Variants in DNM3 observed in about 807,000 individuals in gnomAD.
The protein encoded by DNM3 is dynamin 3, also known as dynamin-3.
DNM3 carries 47 observed loss-of-function variants against 101.6 expected under a neutral mutation model. The observed-to-expected ratio is 0.46, with a 90% CI of 0.37 to 0.59. The LOEUF (loss-of-function observed/expected upper bound fraction) is 0.59. DNM3 is among the 20% of genes least tolerant of loss of function. The pLI is 0.00. For missense variants in DNM3, 849 were observed against 1,085.7 expected, an observed-to-expected ratio of 0.78 and a Z score of 3.06; for synonymous variants, 385 against 387.9, an observed-to-expected ratio of 0.99 and a Z score of 0.09.
At chr1:172,338,931 C>T (rs1449235914) in intron 17 of DNM3, 1 of 411,132 alleles carries the variant, frequency 2.4e-6, no homozygotes, top group Non-Finnish European at 4.8e-6. Flanking sequence ...TTTTAGTTTT[C>T]TTTCTTTTAA....
chr1:171,960,481 A>G (rs1488328703), intron 2 of DNM3, among the ~76,000 whole-genome samples: 2 of 152,176 alleles, frequency 1.3e-5, no homozygotes, highest in Admixed American at 1.3e-4. Context: ...TTTGCAGAAC[A>G]AGAGAAAGTG....
chr1:172,027,443 T>C (rs556106525), intron 4 of DNM3, among the ~76,000 whole-genome samples: 2 of 152,114 alleles, frequency 1.3e-5, no homozygotes, highest in Admixed American at 6.5e-5. Flanking sequence ...TAGCTGGGCG[T>C]GGTGGCATGC....
chr1:172,164,501 C>T (rs1188497993), intron 14 of DNM3, among the ~76,000 whole-genome samples: 1 of 151,868 alleles, frequency 6.6e-6, no homozygotes, highest in East Asian at 1.9e-4. Context: ...CTCTGGCCAG[C>T]CAGGCCAGAC....
At chr1:171,896,186 G>T (rs1028172367) in intron 1 of DNM3, among the ~76,000 whole-genome samples, 2 of 152,184 alleles carry the variant, frequency 1.3e-5, no homozygotes, top group African/African-American at 4.8e-5. Flanking sequence ...GAAGTCATTG[G>T]TAGCTTGATG....
At chr1:171,926,719 A>G (rs1002806488) in intron 2 of DNM3, among the ~76,000 whole-genome samples, 2 of 152,166 alleles carry the variant, frequency 1.3e-5, no homozygotes, top group Admixed American at 6.5e-5. Context: ...TTCAATATGA[A>G]TTTCAGAATG....
intron 14 of DNM3, among the ~76,000 whole-genome samples, chr1:172,203,234 A>T (rs1168063263): frequency 6.6e-6 from 1 of 152,152 alleles, no homozygotes; most frequent in Non-Finnish European, 1.5e-5. Flanking sequence ...TGTTCCCCAA[A>T]GGCTGAGCCA....
At chr1:172,241,382 CT>C (rs1553205518) in intron 14 of DNM3, among the ~76,000 whole-genome samples, 1 of 151,806 alleles carries the variant, frequency 6.6e-6, no homozygotes, top group Non-Finnish European at 1.5e-5. Flanking sequence ...AGTTTTGACT[CT>C]TATTATGTGG....
intron 14 of DNM3, among the ~76,000 whole-genome samples, chr1:172,174,934 A>G (rs1354573506): frequency 6.6e-6 from 1 of 151,758 alleles, no homozygotes; most frequent in Non-Finnish European, 1.5e-5. Context: ...TCAAGAACAG[A>G]AAGTCGAATA....
At chr1:172,097,970 G>T (rs767794992) in intron 13 of DNM3, among the ~76,000 whole-genome samples, 2 of 152,148 alleles carry the variant, frequency 1.3e-5, no homozygotes, top group Non-Finnish European at 2.9e-5. Flanking sequence ...CAGAGGTCAC[G>T]TGCTTCACAA....
At position 172,192,969 on chromosome 1, in the gene DNM3, T is replaced by C. The variant is rs1160537473; in HGVS notation, c.1660-60604T>C. Among the ~76,000 whole-genome samples the C allele has an allele frequency of 4.0e-5, 6 of 151,530 alleles. No homozygotes were observed. In the East Asian group the frequency reaches 1.2e-3, roughly 30 times the overall value. ...ATCGCCACACTGACTTCCACAATGG[T>C]TGAACTAGTTTACAGTCCCACCAAC... On this transcript the variant is annotated intron_variant, in intron 14 of 20. Coordinates refer to ENST00000627582, the MANE Select transcript of DNM3 (RefSeq NM_015569.5).
At chr1:172,297,720 G>A (rs946452804) in intron 15 of DNM3, among the ~76,000 whole-genome samples, 3 of 151,874 alleles carry the variant, frequency 2.0e-5, no homozygotes, top group Admixed American at 6.6e-5. Context: ...TGTCATACAA[G>A]GTTTATCTGG....
At chr1:171,988,120 G>A (rs991646051) in intron 3 of DNM3, among the ~76,000 whole-genome samples, 2 of 152,086 alleles carry the variant, frequency 1.3e-5, no homozygotes, top group African/African-American at 2.4e-5. Context: ...AGAGGTACAT[G>A]TTACTATGGT....
intron 12 of DNM3, among the ~76,000 whole-genome samples, chr1:172,085,433 T>C (rs2053461877): frequency 1.3e-5 from 2 of 152,166 alleles, no homozygotes; most frequent in Admixed American, 6.6e-5. Flanking sequence ...CAAACTCCTC[T>C]GCTCTTCTTC....
intron 4 of DNM3, among the ~76,000 whole-genome samples, chr1:171,992,148 G>A (rs1165004600): frequency 6.6e-6 from 1 of 152,092 alleles, no homozygotes; most frequent in African/African-American, 2.4e-5. Flanking sequence ...AATAAATCTT[G>A]TAAAGTGATT....
intron 13 of DNM3, among the ~76,000 whole-genome samples, chr1:172,111,307 T>C (rs1225267265): frequency 6.6e-6 from 1 of 152,212 alleles, no homozygotes; most frequent in Non-Finnish European, 1.5e-5. Context: ...GCCCTTGATT[T>C]AGAACCATGG....
At chr1:171,871,206 C>G (rs193215289) in intron 1 of DNM3, among the ~76,000 whole-genome samples, 1 of 152,274 alleles carries the variant, frequency 6.6e-6, no homozygotes, top group South Asian at 2.1e-4. Context: ...GCTCACCACT[C>G]TATACTCAAC....
At chr1:171,974,360 A>T (rs777880687) in intron 2 of DNM3, among the ~76,000 whole-genome samples, 5 of 152,020 alleles carry the variant, frequency 3.3e-5, no homozygotes, top group Non-Finnish European at 7.4e-5. Context: ...ATTTTTCATG[A>T]CTGTCTATTT....
intron 20 of DNM3, among the ~76,000 whole-genome samples, chr1:172,403,702 G>T (rs567968072): frequency 6.6e-6 from 1 of 152,020 alleles, no homozygotes; most frequent in Non-Finnish European, 1.5e-5. Flanking sequence ...GAAGAAACAT[G>T]GCTCTTCTAT....
chr1:172,272,306 T>G (rs1037707744), intron 15 of DNM3, among the ~76,000 whole-genome samples: 2 of 152,110 alleles, frequency 1.3e-5, no homozygotes, highest in Non-Finnish European at 2.9e-5. Context: ...AAATTAAAAT[T>G]TAATCTTTGG....
Sources: gnomAD v4.1 joint callset for allele counts (sites outside exome capture counted in the v4.1 genomes callset) on GRCh38, gnomAD v4.1.1 for gene constraint, MANE v1.5 for transcripts, NCBI Gene and HGNC (gene_info 2026-07-23, HGNC 2026-07-21) for gene names.